Variants in UST observed in about 807,000 individuals in gnomAD.
The protein encoded by UST is uronyl 2-sulfotransferase, also known as chondroitin sulfate 2-O-sulfotransferase.
In UST, 21 loss-of-function variants were observed where a neutral mutation model predicts 45.6. The ratio of observed to expected loss-of-function variants is 0.46; its 90% CI spans 0.33 to 0.66. UST has a LOEUF of 0.66. Ranked by LOEUF, UST falls within the 30% of genes least tolerant of loss-of-function variation. The pLI is 0.02. For missense variants in UST, 463 were observed against 512.4 expected, an observed-to-expected ratio of 0.90 and a Z score of 0.93; for synonymous variants, 215 against 200.6, an observed-to-expected ratio of 1.07 and a Z score of -0.61.
chr6:149,000,563 T>C (rs975534805), intron 5 of UST, among the ~76,000 whole-genome samples: 1 of 150,674 alleles, frequency 6.6e-6, no homozygotes, highest in African/African-American at 2.4e-5. Flanking sequence ...CTAAGGAACA[T>C]GGAAAAAAAA....
intron 7 of UST, among the ~76,000 whole-genome samples, chr6:149,057,050 T>A (rs1273932002): frequency 6.6e-6 from 1 of 152,204 alleles, no homozygotes; most frequent in East Asian, 1.9e-4. Flanking sequence ...CTGAGGCTGA[T>A]GATTGTGACT....
At chr6:148,912,349 A>T (rs1009594205) in intron 2 of UST, among the ~76,000 whole-genome samples, 1 of 152,252 alleles carries the variant, frequency 6.6e-6, no homozygotes, top group South Asian at 2.1e-4. Flanking sequence ...AAGGCTGCTT[A>T]TCAGAGGACA....
intron 5 of UST, among the ~76,000 whole-genome samples, chr6:148,970,879 CATT>C (rs1420566581): frequency 6.6e-6 from 1 of 152,192 alleles, no homozygotes; most frequent in Non-Finnish European, 1.5e-5. Flanking sequence ...GGACTTATGT[CATT>C]AGATTGGGCT....
chr6:148,903,282 C>T (rs1282147959), intron 2 of UST, among the ~76,000 whole-genome samples: 2 of 151,892 alleles, frequency 1.3e-5, no homozygotes, highest in Admixed American at 6.6e-5. Flanking sequence ...TTATCATGTC[C>T]CCCACATTTA....
intron 7 of UST, among the ~76,000 whole-genome samples, chr6:149,049,246 T>C (rs6570926): frequency 0.39 from 58,876 of 151,954 alleles, 12,389 homozygotes; most frequent in African/African-American, 0.53. Context: ...CATTGCACAA[T>C]AAAAAGACAA....
chr6:148,977,751 CAAAAAAAAAAA>C lies in UST; in HGVS notation c.681+13198_681+13208del, dbSNP rs60475773. On this transcript the variant is annotated intron_variant, in intron 5 of 7. Transcript: ENST00000367463. Reference sequence around the variant, plus strand: ...TGGATGACAGAGTGAGAATCTGTCTCAAAAAAAAAAAAAAAAAAAAGAAAAGAAAATCAGCT... The same window carrying C: ...TGGATGACAGAGTGAGAATCTGTCTCAAAAAAAAAGAAAAGAAAATCAGCT... 1.6e-4 allele frequency among the ~76,000 whole-genome samples: 14 copies of C among 88,210 alleles called. 4 individuals are homozygous for C. Among genetic ancestry groups the C allele is most frequent in the East Asian group, 6.6e-4 (2 of 3,032 alleles). 57.9% of individuals were successfully genotyped at this position (88,210 alleles called of 152,430 possible).
intron 5 of UST, chr6:149,005,453 T>C (rs999794037): frequency 2.0e-6 from 2 of 985,468 alleles, no homozygotes; most frequent in African/African-American, 1.7e-5. Context: ...ACCTCAGCAG[T>C]GTCTCTCTGC....
chr6:149,067,994 CTGACTCTGAG>C (rs1776766458), intron 7 of UST, among the ~76,000 whole-genome samples: 1 of 152,162 alleles, frequency 6.6e-6, no homozygotes, highest in East Asian at 1.9e-4. Context: ...GTTTTCATCA[CTGACTCTGAG>C]TATTGGACCC....
At chr6:149,042,955 T>TTTCC (rs1776335968) in intron 7 of UST, among the ~76,000 whole-genome samples, 16 of 109,074 alleles carry the variant, frequency 1.5e-4, no homozygotes, top group Non-Finnish European at 2.0e-5. Flanking sequence ...ATCACCATCC[T>TTTCC]TTTCTTTCTT....
intron 1 of UST, among the ~76,000 whole-genome samples, chr6:148,777,066 G>T (rs1776549040): frequency 6.6e-6 from 1 of 152,164 alleles, no homozygotes; most frequent in Admixed American, 6.5e-5. Context: ...TTGTAAAACA[G>T]CAGGAATGGC....
chr6:149,005,205 G>A (rs1026852131), intron 5 of UST: 1 of 778,592 alleles, frequency 1.3e-6, no homozygotes, highest in Non-Finnish European at 1.6e-6. Context: ...AGGAGGTCTT[G>A]GAGCCCTGCC....
At chr6:148,763,103 A>G (rs1393575524) in intron 1 of UST, among the ~76,000 whole-genome samples, 1 of 152,176 alleles carries the variant, frequency 6.6e-6, no homozygotes, top group Non-Finnish European at 1.5e-5. Context: ...AGGTTGTACT[A>G]ATTTACATTC....
At chr6:149,021,272 T>A (rs1775975928) in intron 6 of UST, 52 bp from the exon 7 acceptor site, 1 of 1,537,460 alleles carries the variant, frequency 6.5e-7, no homozygotes, top group Non-Finnish European at 8.8e-7. Flanking sequence ...AGCATCTTGC[T>A]GCATTTCAAA....
chr6:148,787,405 A>G (rs1299741231), intron 1 of UST, among the ~76,000 whole-genome samples: 3 of 152,178 alleles, frequency 2.0e-5, no homozygotes, highest in Admixed American at 1.3e-4. Flanking sequence ...TTTTTTGCAT[A>G]TGGCTAGCCA....
At chr6:148,861,551 G>T (rs1778313267) in intron 1 of UST, among the ~76,000 whole-genome samples, 1 of 152,084 alleles carries the variant, frequency 6.6e-6, no homozygotes, top group Non-Finnish European at 1.5e-5. Context: ...TTTTGAATGT[G>T]TTTGCTCTTG....
intron 2 of UST, among the ~76,000 whole-genome samples, chr6:148,935,683 A>C (rs537785368): frequency 6.6e-6 from 1 of 152,156 alleles, no homozygotes. Flanking sequence ...TTCCTTTCCC[A>C]GTGGAAGCAG....
chr6:149,067,308 C>T (rs77176726), intron 7 of UST, among the ~76,000 whole-genome samples: 3,098 of 152,212 alleles, frequency 0.02, 110 homozygotes, highest in African/African-American at 0.071. Context: ...TTGGCAGGTC[C>T]AATTTCTAGG....
chr6:148,990,996 AC>A (rs1004635676), intron 5 of UST, among the ~76,000 whole-genome samples: 107 of 152,314 alleles, frequency 7.0e-4, no homozygotes, highest in Middle Eastern at 3.4e-3. Flanking sequence ...ACAAAGCCCC[AC>A]CTGTCATGGA....
At chr6:148,797,761 G>T (rs77665419) in intron 1 of UST, among the ~76,000 whole-genome samples, 2,345 of 152,278 alleles carry the variant, frequency 0.015, 66 homozygotes, top group African/African-American at 0.054. Context: ...AGGAGGGAAG[G>T]AAGGCAGTTC....
Sources: gnomAD v4.1 joint callset for allele counts (sites outside exome capture counted in the v4.1 genomes callset) on GRCh38, gnomAD v4.1.1 for gene constraint, MANE v1.5 for transcripts, NCBI Gene and HGNC (gene_info 2026-07-23, HGNC 2026-07-21) for gene names.